LRSAM1: variants seen among roughly 807,000 people sequenced by gnomAD.
LRSAM1 encodes the protein E3 ubiquitin-protein ligase LRSAM1.
LRSAM1 carries 96 observed loss-of-function variants against 118.1 expected under a neutral mutation model. The observed-to-expected ratio is 0.81, with a 90% CI of 0.69 to 0.96. The LOEUF is 0.96. LRSAM1 is among the 40% of genes least tolerant of loss of function. LRSAM1 has a pLI of 0.00. For synonymous variants in LRSAM1, 322 were observed against 364.2 expected, an observed-to-expected ratio of 0.88 and a Z score of 1.32; for missense variants, 804 against 915.5, an observed-to-expected ratio of 0.88 and a Z score of 1.57.
chr9:127,479,434 C>T lies in LRSAM1; in HGVS notation c.832C>T (p.Gln278Ter). 6.2e-7 allele frequency: 1 copy of T among 1,614,172 alleles called. No homozygotes were observed. Among genetic ancestry groups the T allele is most frequent in the Non-Finnish European group, 8.5e-7 (1 of 1,180,026 alleles). ...LEFERRLELG[Q>*]REHTQLLQQS... Reference sequence around the variant, plus strand: ...GTTTGAACGGCGCCTGGAACTGGGGCAGCGGGAGCACACCCAGCTCCTTCA... The same window carrying T: ...GTTTGAACGGCGCCTGGAACTGGGGTAGCGGGAGCACACCCAGCTCCTTCA... The change falls in exon 13 of 26, where the codon CAG becomes TAG. Residue 278 changes from glutamine (Q) to a stop codon, truncating the protein, a stop_gained. Transcript: ENST00000300417. LOFTEE classifies it high-confidence loss of function.
In LRSAM1 at chr9:127,463,737, A is replaced by C. The variant is rs1468285124; in HGVS notation, c.528+1364A>C. On this transcript the variant is annotated intron_variant, in intron 9 of 25. Transcript: ENST00000300417. ...GGAGGGGGACATAGTTCAGCCCATG[A>C]CAGACACTGACAGAGGCAGCTGCTC... is the stretch of plus-strand genomic sequence containing the variant. 2.0e-5 allele frequency among the ~76,000 whole-genome samples: 3 copies of C among 152,172 alleles called. No individual in the cohort carries two copies. The East Asian group carries it at 5.8e-4, about 29-fold the overall frequency.
In LRSAM1 at chr9:127,503,212, T is replaced by G. The variant is rs540910733; in HGVS notation, c.*313T>G. On this transcript the variant is annotated 3_prime_UTR_variant, in exon 26 of 26. Transcript: ENST00000300417. ...TCTGCTGCCTCCCAGCTGTCTTGAC[T>G]GAAGGCCACCGCCCCTGCAGGAGCT... 20 of 412,402 alleles carry G rather than the reference T, an allele frequency of 4.8e-5. No homozygotes were observed. In the East Asian group the frequency reaches 1.1e-3, roughly 22 times the overall value. The allele number at this position is 412,402 out of a possible 1,614,324, so 25.5% of individuals were successfully genotyped here. A position where few individuals can be genotyped will look rare whatever the true frequency, so the allele number is the denominator to read the frequency against.
intron 8 of LRSAM1, 94 bp from the exon 9 acceptor site, chr9:127,462,158 G>A (rs1834771484): frequency 6.4e-7 from 1 of 1,573,328 alleles, no homozygotes; most frequent in East Asian, 2.3e-5. Context: ...TCTGTTGTGT[G>A]CCCTAGAGGT....
intron 12 of LRSAM1, 105 bp from the exon 13 acceptor site, chr9:127,479,278 A>C (rs1434921789): frequency 1.9e-6 from 3 of 1,543,510 alleles, no homozygotes; most frequent in Non-Finnish European, 2.7e-6. Context: ...CAGCATGAAG[A>C]CCTGGAGCCT....
At chr9:127,496,159 G>A (rs1255590850) in intron 23 of LRSAM1, 64 bp downstream of exon 23, 16 of 1,593,264 alleles carry the variant, frequency 1.0e-5, no homozygotes, top group Non-Finnish European at 1.4e-5. Context: ...ACCAGCCGGG[G>A]GTTGATCTGC....
intron 19 of LRSAM1, 72 bp from the exon 20 acceptor site, chr9:127,491,143 A>C: frequency 1.5e-6 from 2 of 1,314,008 alleles, no homozygotes; most frequent in Non-Finnish European, 2.2e-6. Flanking sequence ...CTTGGTCACC[A>C]GAGAGTAGCA....
rs564006029 is a variant in LRSAM1 at position 127,465,933 on chromosome 9, C to T, written c.529-1807C>T. ...GGCTTCATAAACACGGAGGCATCTGCATGTGTGCGCTGATAAACATTTGTC... is the reference window on the plus strand; with the variant it reads ...GGCTTCATAAACACGGAGGCATCTGTATGTGTGCGCTGATAAACATTTGTC... On this transcript the variant is annotated intron_variant, in intron 9 of 25. Coordinates refer to ENST00000300417, the MANE Select transcript of LRSAM1 (RefSeq NM_001005373.4). The surrounding 1 kb of genome is among the most constrained non-coding windows in gnomAD (Gnocchi z 4.1). Among the ~76,000 whole-genome samples, 2 of 152,252 alleles carry T rather than the reference C, an allele frequency of 1.3e-5. No individual in the cohort carries two copies. Among genetic ancestry groups the T allele is most frequent in the Admixed American group, 1.3e-4 (2 of 15,280 alleles).
intron 23 of LRSAM1, 122 bp from the exon 24 acceptor site, chr9:127,497,131 G>T (rs1050275471): frequency 6.0e-6 from 6 of 996,232 alleles, no homozygotes; most frequent in Admixed American, 3.8e-5. Context: ...GCCCCGGAAG[G>T]CTTCCACATT....
chr9:127,502,366 A>G (rs1052139861), intron 25 of LRSAM1, among the ~76,000 whole-genome samples: 1 of 152,176 alleles, frequency 6.6e-6, no homozygotes, highest in Admixed American at 6.5e-5. Flanking sequence ...CCCCACTATC[A>G]GGCGTTTATG....
intron 10 of LRSAM1, 150 bp from the exon 11 acceptor site, chr9:127,473,651 C>G: frequency 9.6e-7 from 1 of 1,046,882 alleles, no homozygotes. Flanking sequence ...GGGCTAGGAC[C>G]GGTGAAAAAC....
chr9:127,485,009 T>C (rs1835679086), intron 16 of LRSAM1, among the ~76,000 whole-genome samples: 1 of 151,998 alleles, frequency 6.6e-6, no homozygotes. Flanking sequence ...AGTTTCGCCA[T>C]GTTGGCCAGG....
At chr9:127,463,124 G>A (rs975153351) in intron 9 of LRSAM1, among the ~76,000 whole-genome samples, 13 of 151,466 alleles carry the variant, frequency 8.6e-5, no homozygotes, top group African/African-American at 2.4e-4. Context: ...GCTTGAACCC[G>A]GGAGGCGGAG....
intron 11 of LRSAM1, among the ~76,000 whole-genome samples, chr9:127,475,992 G>A (rs1434541241): frequency 2.6e-5 from 4 of 152,078 alleles, no homozygotes; most frequent in African/African-American, 7.2e-5. Flanking sequence ...TGCCCACCTC[G>A]GCCTCCCAAA....
At position 127,466,504 on chromosome 9, in the gene LRSAM1, A is replaced by ATATATATATATT. The variant is rs1554755061; in HGVS notation, c.529-1235_529-1234insATATATATATTT. On this transcript the variant is annotated intron_variant, in intron 9 of 25. Transcript: ENST00000300417. Reference sequence around the variant, plus strand: ...TATATATATATATATATATATATATATTTTTTTTTTTTTTTTTTTTTTTTT... The same window carrying ATATATATATATT: ...TATATATATATATATATATATATATATATATATATATTTTTTTTTTTTTTTTTTTTTTTTTTT... 2.4e-3 allele frequency among the ~76,000 whole-genome samples: 59 copies of ATATATATATATT among 24,482 alleles called. 1 individual carries two copies. The highest frequency in any genetic ancestry group is 3.2e-3 in the Non-Finnish European group (44 of 13,626). 16.1% of individuals were successfully genotyped at this position (24,482 alleles called of 152,430 possible).
At chr9:127,468,297 C>T (rs1202090488) in intron 10 of LRSAM1, among the ~76,000 whole-genome samples, 2 of 152,034 alleles carry the variant, frequency 1.3e-5, no homozygotes, top group African/African-American at 2.4e-5. Flanking sequence ...AGTCATTAGG[C>T]TGCAGGGAGG....
intron 7 of LRSAM1, among the ~76,000 whole-genome samples, chr9:127,459,419 T>A (rs2488899): frequency 0.6 from 91,684 of 151,712 alleles, 28,037 homozygotes; most frequent in African/African-American, 0.63. Flanking sequence ...GTGTTTCGCC[T>A]TGTTGGCCTG....
intron 17 of LRSAM1, 69 bp from the exon 18 acceptor site, chr9:127,487,607 G>A (rs1835777459): frequency 6.9e-7 from 1 of 1,442,202 alleles, no homozygotes; most frequent in Non-Finnish European, 9.6e-7. Context: ...TCTCCTCCAA[G>A]GGGCCTGGCA....
chr9:127,498,048 G>A (rs939739965), intron 24 of LRSAM1, among the ~76,000 whole-genome samples: 8 of 152,228 alleles, frequency 5.3e-5, no homozygotes, highest in Non-Finnish European at 1.2e-4. Flanking sequence ...GGCCAGAGCA[G>A]GGGTGAAGGA....
chr9:127,454,956 T>G (rs1588090852), intron 3 of LRSAM1, 42 bp from the exon 4 acceptor site: 1 of 1,582,568 alleles, frequency 6.3e-7, no homozygotes, highest in South Asian at 1.1e-5. Flanking sequence ...TCTGCAAAGG[T>G]GTTTTGTCTT....
Sources: gnomAD v4.1 joint callset for allele counts (sites outside exome capture counted in the v4.1 genomes callset) on GRCh38, gnomAD v4.1.1 for gene constraint, Gnocchi (gnomAD v3.1) non-coding constraint, MANE v1.5 for transcripts, NCBI Gene and HGNC (gene_info 2026-07-23, HGNC 2026-07-21) for gene names.